TRPC5: variants seen among roughly 807,000 people sequenced by gnomAD.
TRPC5 encodes short transient receptor potential channel 5.
A neutral mutation model predicts 56.5 loss-of-function variants in TRPC5; 9 were observed. The ratio of observed to expected loss-of-function variants is 0.16; its 90% CI spans 0.10 to 0.28. The LOEUF (loss-of-function observed/expected upper bound fraction) is 0.28, where lower values mean the gene tolerates loss of function less well. TRPC5 is among the 10% of genes least tolerant of loss of function. The probability of loss-of-function intolerance (pLI) is 1.00; values close to 1 mark genes in which losing one functional copy is unlikely to be tolerated. For synonymous variants in TRPC5, 282 were observed against 278.5 expected (o/e 1.01, Z -0.13); for missense variants, 469 against 748.9 (o/e 0.63, Z 4.36).
intron 1 of TRPC5, among the ~76,000 whole-genome samples, chrX:112,011,473 C>T (rs1039173664): frequency 8.9e-6 from 1 of 111,983 alleles, no homozygotes; most frequent in African/African-American, 3.2e-5. Flanking sequence ...ATGAAACAGC[C>T]TGTTCCCGTT....
At chrX:111,847,715 T>C (rs1403565209) in intron 5 of TRPC5, among the ~76,000 whole-genome samples, 1 of 112,038 alleles carries the variant, frequency 8.9e-6, no homozygotes, top group Non-Finnish European at 1.9e-5. Context: ...CAACCACCTG[T>C]GGCTTATCAA....
intron 1 of TRPC5, among the ~76,000 whole-genome samples, chrX:111,995,970 T>G (rs996881566): frequency 2.7e-5 from 3 of 110,256 alleles, no homozygotes; most frequent in African/African-American, 9.9e-5. Flanking sequence ...TTTTTTTGTG[T>G]GTCTCTATCT....
At chrX:111,801,214 A>C (rs963112012) in intron 7 of TRPC5, among the ~76,000 whole-genome samples, 3 of 111,970 alleles carry the variant, frequency 2.7e-5, no homozygotes, top group African/African-American at 9.7e-5. Context: ...CAATTTTGTA[A>C]CGTGTCGGTA....
Position 112,028,631 on chromosome X carries a change from C to T in TRPC5, c.-22+53248G>A, listed in dbSNP as rs769800247. ...CATCATTTTTTATGGCTGCATAGTA[C>T]TCCATGGTGTATATGTGCCACATTT... On this transcript the variant is annotated intron_variant, in intron 1 of 10. Coordinates refer to ENST00000262839, the MANE Select transcript of TRPC5 (RefSeq NM_012471.3). Among the ~76,000 whole-genome samples, 17 of 112,203 alleles carry T rather than the reference C, an allele frequency of 1.5e-4. No individual in the cohort carries two copies. In the East Asian group the frequency reaches 1.7e-3, roughly 11 times the overall value.
At chrX:111,808,127 C>A (rs998092008) in intron 7 of TRPC5, among the ~76,000 whole-genome samples, 3 of 110,058 alleles carry the variant, frequency 2.7e-5, no homozygotes, top group Non-Finnish European at 3.8e-5. Flanking sequence ...TGACCACTGC[C>A]TGGCTACCAT....
chrX:111,857,309 C>T (rs963048328), intron 3 of TRPC5, among the ~76,000 whole-genome samples: 1 of 110,960 alleles, frequency 9.0e-6, no homozygotes, highest in Non-Finnish European at 1.9e-5. Context: ...TGGAGAGATG[C>T]GGTCAGATTT....
chrX:111,808,911 CTCT>C (rs1921609818), intron 7 of TRPC5, among the ~76,000 whole-genome samples: 1 of 110,025 alleles, frequency 9.1e-6, no homozygotes, highest in Non-Finnish European at 1.9e-5. Flanking sequence ...GCAGCAGGTT[CTCT>C]TCTGGCCCAG....
chrX:111,878,685 T>C (rs1779252800), intron 3 of TRPC5, among the ~76,000 whole-genome samples: 1 of 111,431 alleles, frequency 9.0e-6, no homozygotes, highest in South Asian at 3.8e-4. Flanking sequence ...CAAATGCTCC[T>C]GATGGGCAGA....
chrX:111,809,153 C>T (rs188975231), intron 7 of TRPC5, among the ~76,000 whole-genome samples: 7 of 111,102 alleles, frequency 6.3e-5, no homozygotes, highest in African/African-American at 2.0e-4. Context: ...TTGGCCGCCC[C>T]TGCTGGTGTC....
intron 3 of TRPC5, among the ~76,000 whole-genome samples, chrX:111,862,154 G>A (rs926088476): frequency 2.7e-5 from 3 of 111,366 alleles, no homozygotes; most frequent in Admixed American, 9.6e-5. Context: ...TTAGAGCTTC[G>A]GCATGGGAAT....
intron 6 of TRPC5, among the ~76,000 whole-genome samples, chrX:111,843,124 T>C (rs145396609): frequency 0.035 from 3,914 of 112,449 alleles, 151 homozygotes; most frequent in African/African-American, 0.12. Context: ...CCGATTACAA[T>C]GTAACTACAA....
chrX:111,989,414 G>T (rs185015704), intron 1 of TRPC5, among the ~76,000 whole-genome samples: 13 of 111,557 alleles, frequency 1.2e-4, no homozygotes, highest in African/African-American at 4.2e-4. Flanking sequence ...AAGATCTTTA[G>T]CACATAAGAC....
intron 1 of TRPC5, among the ~76,000 whole-genome samples, chrX:112,061,318 G>T (rs1930454203): frequency 1.8e-5 from 2 of 111,892 alleles, no homozygotes; most frequent in Non-Finnish European, 3.8e-5. Context: ...ATTCCCTGTG[G>T]TGTACAAGTC....
chrX:111,886,914 A>G (rs747571374), intron 3 of TRPC5, among the ~76,000 whole-genome samples: 5 of 113,153 alleles, frequency 4.4e-5, no homozygotes, highest in African/African-American at 1.6e-4. Flanking sequence ...AGAATGCAGC[A>G]GCTTCTGGGT....
At chrX:111,927,628 A>G (rs763976103) in intron 2 of TRPC5, among the ~76,000 whole-genome samples, 12 of 111,074 alleles carry the variant, frequency 1.1e-4, no homozygotes, top group Non-Finnish European at 2.1e-4. Context: ...GCAGGTCATT[A>G]TGGAGACTGC....
At chrX:112,067,907 A>C (rs1930625226) in intron 1 of TRPC5, among the ~76,000 whole-genome samples, 1 of 112,398 alleles carries the variant, frequency 8.9e-6, no homozygotes, top group Admixed American at 9.4e-5. Flanking sequence ...ATGATCACTT[A>C]GATCTGGGCA....
intron 1 of TRPC5, among the ~76,000 whole-genome samples, chrX:111,954,017 G>A (rs376325152): frequency 8.9e-6 from 1 of 112,133 alleles, no homozygotes; most frequent in Non-Finnish European, 1.9e-5. Flanking sequence ...CAAGAGAAGA[G>A]GGTGCTGTTT....
At chrX:111,847,520 A>C in intron 5 of TRPC5, 84 bp from the exon 6 acceptor site, 1 of 877,827 alleles carries the variant, frequency 1.1e-6, no homozygotes, top group Non-Finnish European at 1.6e-6. Context: ...TCCATACCCA[A>C]ACAAAGCCAC....
At chrX:111,781,041 C>A (rs1603024608) in intron 9 of TRPC5, 124 bp downstream of exon 9, 1 of 678,699 alleles carries the variant, frequency 1.5e-6, no homozygotes, top group East Asian at 3.3e-5. Flanking sequence ...TAAATTACAG[C>A]CTTTCCAAGC....
Sources: allele counts gnomAD v4.1 joint callset (sites outside exome capture counted in the v4.1 genomes callset), GRCh38; gene constraint gnomAD v4.1.1; transcripts MANE v1.5; gene names NCBI Gene and HGNC (gene_info 2026-07-23, HGNC 2026-07-21).